LARGE1: variants seen among roughly 807,000 people sequenced by gnomAD.
LARGE1 encodes the protein xylosyl- and glucuronyltransferase LARGE1.
Under a neutral mutation model 87.6 loss-of-function variants are expected in LARGE1, and 43 were observed. The observed-to-expected ratio is 0.49, with a 90% CI of 0.38 to 0.63. The LOEUF (loss-of-function observed/expected upper bound fraction) is 0.63, where lower values mean the gene tolerates loss of function less well. LARGE1 is among the 30% of genes least tolerant of loss of function. The pLI is 0.00. For missense variants in LARGE1, 802 were observed against 1,000.2 expected (o/e 0.80, Z 2.67); for synonymous variants, 434 against 394.6 (o/e 1.10, Z -1.18).
intron 6 of LARGE1, among the ~76,000 whole-genome samples, chr22:33,453,252 T>A (rs1250197771): frequency 6.6e-6 from 1 of 151,828 alleles, no homozygotes; most frequent in East Asian, 1.9e-4. Flanking sequence ...CCATCTCTAC[T>A]AAAAATACAA....
At chr22:33,627,292 T>C (rs2079951544) in intron 3 of LARGE1, among the ~76,000 whole-genome samples, 1 of 152,212 alleles carries the variant, frequency 6.6e-6, no homozygotes, top group South Asian at 2.1e-4. Flanking sequence ...AGCACCACTC[T>C]AGGGCATCCC....
chr22:33,168,262 C>T (rs5998771), intron 11 of LARGE1, among the ~76,000 whole-genome samples: 3,875 of 152,286 alleles, frequency 0.025, 172 homozygotes, highest in African/African-American at 0.089. Flanking sequence ...TGGATCTCAG[C>T]GTGGATAGGA....
chr22:33,548,780 G>GTA (rs1262002134), intron 6 of LARGE1, among the ~76,000 whole-genome samples: 1 of 152,164 alleles, frequency 6.6e-6, no homozygotes, highest in Non-Finnish European at 1.5e-5. Context: ...TTATATTGTA[G>GTA]TATACAATGT....
intron 1 of LARGE1, among the ~76,000 whole-genome samples, chr22:33,841,636 CTAAGCCAATTACTA>C (rs1157165964): frequency 1.3e-5 from 2 of 152,362 alleles, no homozygotes; most frequent in East Asian, 1.9e-4. Context: ...GAAACCACCT[CTAAGCCAATTACTA>C]TAAGCCAGTA....
At chr22:33,583,773 T>C (rs2078588924) in intron 5 of LARGE1, among the ~76,000 whole-genome samples, 1 of 152,242 alleles carries the variant, frequency 6.6e-6, no homozygotes, top group Non-Finnish European at 1.5e-5. Context: ...CCTTCAGTAA[T>C]GCACTTCAGT....
At chr22:33,800,251 G>C (rs752408388) in intron 1 of LARGE1, among the ~76,000 whole-genome samples, 4 of 152,048 alleles carry the variant, frequency 2.6e-5, no homozygotes, top group Non-Finnish European at 4.4e-5. Context: ...AGACTCTCAA[G>C]AAGTTGCAAA....
chr22:33,144,460 T>C, the LARGE1 span, among the ~76,000 whole-genome samples: 1 of 152,140 alleles, frequency 6.6e-6, no homozygotes, highest in Non-Finnish European at 1.5e-5. Flanking sequence ...GAGTTATATA[T>C]ATATATATAT....
intron 2 of LARGE1, among the ~76,000 whole-genome samples, chr22:33,728,246 A>T (rs1318566971): frequency 6.6e-6 from 1 of 152,094 alleles, no homozygotes; most frequent in Non-Finnish European, 1.5e-5. Context: ...AAATTAAAAA[A>T]TTTCCAGAAC....
intron 13 of LARGE1, among the ~76,000 whole-genome samples, chr22:33,279,878 A>G (rs1930094699): frequency 6.6e-6 from 1 of 152,212 alleles, no homozygotes; most frequent in Non-Finnish European, 1.5e-5. Flanking sequence ...TGAGGTTTTA[A>G]AGCACAATGG....
At chr22:33,688,442 C>T (rs1232171387) in intron 2 of LARGE1, among the ~76,000 whole-genome samples, 1 of 152,074 alleles carries the variant, frequency 6.6e-6, no homozygotes, top group Admixed American at 6.5e-5. Flanking sequence ...ACCTCTGCCT[C>T]CTGGGTTCAA....
At chr22:33,229,272 A>C (rs1216811472) in intron 11 of LARGE1, among the ~76,000 whole-genome samples, 1 of 152,194 alleles carries the variant, frequency 6.6e-6, no homozygotes, top group Non-Finnish European at 1.5e-5. Flanking sequence ...TTTCCACTTA[A>C]GATTATAAAC....
intron 11 of LARGE1, among the ~76,000 whole-genome samples, chr22:33,250,412 T>G (rs1179027602): frequency 6.6e-6 from 1 of 152,206 alleles, no homozygotes. Flanking sequence ...GTTCCATGCG[T>G]TTTTTGTCAG....
intron 3 of LARGE1, among the ~76,000 whole-genome samples, chr22:33,647,351 G>A (rs1432814933): frequency 6.6e-6 from 1 of 152,192 alleles, no homozygotes; most frequent in Non-Finnish European, 1.5e-5. Context: ...CTGTAACTAA[G>A]TTGTGTCAAT....
intron 6 of LARGE1, among the ~76,000 whole-genome samples, chr22:33,456,455 T>G (rs1289822594): frequency 6.6e-6 from 1 of 152,240 alleles, no homozygotes; most frequent in African/African-American, 2.4e-5. Flanking sequence ...ACAAAGTTTT[T>G]GGCTTGCCTG....
chr22:33,890,445 G>A (rs1215533054), intron 1 of LARGE1, among the ~76,000 whole-genome samples: 1 of 151,930 alleles, frequency 6.6e-6, no homozygotes. Flanking sequence ...GCAATTCTAG[G>A]AGGCATATTT....
At chr22:33,719,766 C>T (rs569938239) in intron 2 of LARGE1, among the ~76,000 whole-genome samples, 6 of 152,170 alleles carry the variant, frequency 3.9e-5, no homozygotes, top group East Asian at 1.9e-4. Context: ...ATAATCTGCC[C>T]GCCTTGGCCT....
At chr22:33,837,166 G>C (rs1231251939) in intron 1 of LARGE1, among the ~76,000 whole-genome samples, 3 of 151,748 alleles carry the variant, frequency 2.0e-5, no homozygotes, top group Non-Finnish European at 1.5e-5. Flanking sequence ...AAGGCACAGG[G>C]ATTTTGCAAT....
intron 6 of LARGE1, among the ~76,000 whole-genome samples, chr22:33,493,001 T>C (rs772020975): frequency 1.1e-4 from 17 of 152,070 alleles, no homozygotes; most frequent in Non-Finnish European, 1.8e-4. Flanking sequence ...AGAGAAATTA[T>C]CAGAGTATCC....
the LARGE1 span, among the ~76,000 whole-genome samples, chr22:33,094,821 T>A: frequency 6.6e-6 from 1 of 152,310 alleles, no homozygotes; most frequent in Admixed American, 6.5e-5. Context: ...TGAGTTGAAG[T>A]GATTCTCCTG....
Sources: gnomAD v4.1 joint callset for allele counts (sites outside exome capture counted in the v4.1 genomes callset) on GRCh38, gnomAD v4.1.1 for gene constraint, MANE v1.5 for transcripts, NCBI Gene and HGNC (gene_info 2026-07-23, HGNC 2026-07-21) for gene names.